The following EDIL3 variants were observed in gnomAD, a reference collection of about 807,000 sequenced individuals.
EDIL3 encodes EGF-like repeat and discoidin I-like domain-containing protein 3.
A neutral mutation model predicts 67.4 loss-of-function variants in EDIL3; 37 were observed. The ratio of observed to expected loss-of-function variants is 0.55; its 90% CI spans 0.42 to 0.72. EDIL3 has a LOEUF of 0.72. Among genes scored for constraint, EDIL3 ranks in the 30% least tolerant of loss-of-function variants. EDIL3 has a pLI of 0.00. For synonymous variants in EDIL3, 195 were observed against 196.3 expected, an observed-to-expected ratio of 0.99 and a Z score of 0.05; for missense variants, 527 against 586.3, an observed-to-expected ratio of 0.90 and a Z score of 1.04.
At chr5:84,088,476 G>T (rs553266957) in intron 6 of EDIL3, among the ~76,000 whole-genome samples, 1 of 152,244 alleles carries the variant, frequency 6.6e-6, no homozygotes, top group East Asian at 1.9e-4. Flanking sequence ...CTTAGGCTGG[G>T]CCCCTGCAAA....
At chr5:84,141,052 A>G (rs1249166722) in intron 4 of EDIL3, among the ~76,000 whole-genome samples, 1 of 152,074 alleles carries the variant, frequency 6.6e-6, no homozygotes, top group Non-Finnish European at 1.5e-5. Flanking sequence ...ACTTAAACAT[A>G]TTTGCAATAA....
chr5:84,218,938 G>A (rs1179457897), intron 3 of EDIL3, among the ~76,000 whole-genome samples: 1 of 152,212 alleles, frequency 6.6e-6, no homozygotes, highest in South Asian at 2.1e-4. Context: ...TTGCCACCCT[G>A]AAGCAAACGA....
intron 1 of EDIL3, among the ~76,000 whole-genome samples, chr5:84,296,503 T>C (rs1746052954): frequency 6.6e-6 from 1 of 152,196 alleles, no homozygotes; most frequent in Non-Finnish European, 1.5e-5. Flanking sequence ...TATTTATTAC[T>C]CATTTTGAGA....
intron 9 of EDIL3, among the ~76,000 whole-genome samples, chr5:83,978,691 T>A (rs1744914339): frequency 6.6e-6 from 1 of 151,842 alleles, no homozygotes; most frequent in Non-Finnish European, 1.5e-5. Context: ...AGAAACAGGG[T>A]CATCTGAAAG....
chr5:83,972,176 G>A (rs1330261514), intron 9 of EDIL3, among the ~76,000 whole-genome samples: 2 of 152,094 alleles, frequency 1.3e-5, no homozygotes, highest in African/African-American at 4.8e-5. Context: ...TGCATCCAAT[G>A]TGTATTCTAT....
intron 3 of EDIL3, among the ~76,000 whole-genome samples, chr5:84,182,198 G>A (rs1040106937): frequency 6.6e-6 from 1 of 151,802 alleles, no homozygotes; most frequent in African/African-American, 2.4e-5. Context: ...AGGCTGAGGC[G>A]GGCAGATTGC....
At chr5:84,314,196 CAAAAAAAG>C (rs1452989450) in intron 1 of EDIL3, among the ~76,000 whole-genome samples, 2 of 151,136 alleles carry the variant, frequency 1.3e-5, no homozygotes, top group African/African-American at 2.4e-5. Context: ...GACTCCATCT[CAAAAAAAG>C]AAAAAAAGAA....
intron 10 of EDIL3, among the ~76,000 whole-genome samples, chr5:83,950,672 T>C (rs1744403267): frequency 6.6e-6 from 1 of 151,868 alleles, no homozygotes; most frequent in South Asian, 2.1e-4. Context: ...TTTCAATTTC[T>C]GGATGATATT....
chr5:84,131,503 A>AG (rs1433789430), intron 5 of EDIL3, among the ~76,000 whole-genome samples: 1 of 152,230 alleles, frequency 6.6e-6, no homozygotes, highest in Non-Finnish European at 1.5e-5. Context: ...TATCATGCTT[A>AG]GGGCTGCAGG....
At chr5:84,227,080 G>A (rs568178204) in intron 3 of EDIL3, among the ~76,000 whole-genome samples, 1 of 152,112 alleles carries the variant, frequency 6.6e-6, no homozygotes, top group East Asian at 1.9e-4. Context: ...GTGGGCAGCA[G>A]ACAGGAGAAA....
At chr5:84,090,456 C>T (rs192520469) in intron 6 of EDIL3, among the ~76,000 whole-genome samples, 1 of 152,200 alleles carries the variant, frequency 6.6e-6, no homozygotes, top group Non-Finnish European at 1.5e-5. Context: ...TCTACATTTT[C>T]TCGGGATAAC....
At position 84,384,414 on chromosome 5, in the gene EDIL3, C is replaced by G. The variant is rs763308451; in HGVS notation, c.-40G>C. On this transcript the variant is annotated 5_prime_UTR_variant, in exon 1 of 11. Coordinates refer to ENST00000296591, the MANE Select transcript of EDIL3 (RefSeq NM_005711.5). ...GACGTGACCCCGGCTGGTCAGGGGT[C>G]GTCGCGGAGGGCAGTGTAGCCGAGG... 3 of 1,609,628 alleles carry G rather than the reference C, an allele frequency of 1.9e-6. No individual in the cohort carries two copies. In the African/African-American group the frequency reaches 4.0e-5, roughly 22 times the overall value.
intron 3 of EDIL3, among the ~76,000 whole-genome samples, chr5:84,219,556 G>C (rs1268471333): frequency 1.3e-5 from 2 of 152,224 alleles, no homozygotes; most frequent in Admixed American, 6.5e-5. Flanking sequence ...CAATTTGGAG[G>C]TTCCTCAAAA....
At chr5:84,056,456 A>T (rs1746449391) in intron 9 of EDIL3, among the ~76,000 whole-genome samples, 1 of 152,110 alleles carries the variant, frequency 6.6e-6, no homozygotes, top group African/African-American at 2.4e-5. Context: ...TGTATCCTAG[A>T]ACTTATAAAG....
Position 83,942,479 on chromosome 5 carries a change from C to G in EDIL3, c.*940G>C, listed in dbSNP as rs1007582233. ...TTTTTTATAAAATAAACAAATAAGC[C>G]GATTTTTTAAAGTAAATATAAGGAT... On this transcript the variant is annotated 3_prime_UTR_variant, in exon 11 of 11. Transcript: ENST00000296591. 2 of 151,266 alleles carry G rather than the reference C, an allele frequency of 1.3e-5. No individual in the cohort carries two copies. Among genetic ancestry groups the G allele is most frequent in the African/African-American group, 2.4e-5 (1 of 41,124 alleles). 9.4% of individuals were successfully genotyped at this position (151,266 alleles called of 1,614,324 possible).
chr5:84,353,353 AT>A lies in EDIL3; in HGVS notation c.67+30954del, dbSNP rs1747404272. ...GGCAAAGATTGAGCTCTGAAGACTT[AT>A]TTCATGTGTGACATCGAATCCGTAA... On this transcript the variant is annotated intron_variant, in intron 1 of 10. Transcript: ENST00000296591. Among the ~76,000 whole-genome samples, 3 of 152,274 alleles carry A rather than the reference AT, an allele frequency of 2.0e-5. No homozygotes were observed. In the South Asian group the frequency reaches 6.2e-4, roughly 32 times the overall value.
At chr5:84,150,109 C>T (rs927647448) in intron 4 of EDIL3, among the ~76,000 whole-genome samples, 21 of 151,838 alleles carry the variant, frequency 1.4e-4, no homozygotes, top group African/African-American at 4.8e-4. Context: ...GTAAGAAACA[C>T]GAAGAAAGCT....
intron 9 of EDIL3, among the ~76,000 whole-genome samples, chr5:84,043,000 A>G (rs1171265951): frequency 6.6e-6 from 1 of 152,230 alleles, no homozygotes; most frequent in Non-Finnish European, 1.5e-5. Context: ...GGCAAAACCA[A>G]AGCATGTGAA....
intron 4 of EDIL3, among the ~76,000 whole-genome samples, chr5:84,162,205 A>C (rs1284737686): frequency 1.3e-5 from 2 of 152,030 alleles, no homozygotes; most frequent in Non-Finnish European, 2.9e-5. Flanking sequence ...ATGGTCTAGA[A>C]AGGGGAATAA....
Sources: gnomAD v4.1 joint callset for allele counts (sites outside exome capture counted in the v4.1 genomes callset) on GRCh38, gnomAD v4.1.1 for gene constraint, MANE v1.5 for transcripts, NCBI Gene and HGNC (gene_info 2026-07-23, HGNC 2026-07-21) for gene names.